The following PTPRN2 variants were observed in gnomAD, a reference collection of about 807,000 sequenced individuals.
PTPRN2 encodes the protein protein tyrosine phosphatase receptor type N2.
In PTPRN2, 74 loss-of-function variants were observed where a neutral mutation model predicts 118.8. The ratio of observed to expected loss-of-function variants is 0.62; its 90% CI spans 0.52 to 0.76. PTPRN2 has a LOEUF of 0.76. Among genes scored for constraint, PTPRN2 ranks in the 30% least tolerant of loss-of-function variants. PTPRN2 has a pLI of 0.00. For synonymous variants in PTPRN2, 641 were observed against 608.0 expected, an observed-to-expected ratio of 1.05 and a Z score of -0.80; for missense variants, 1,481 against 1,394.4, an observed-to-expected ratio of 1.06 and a Z score of -0.99.
chr7:157,715,409 T>C (rs1048606850), intron 12 of PTPRN2, among the ~76,000 whole-genome samples: 8 of 152,102 alleles, frequency 5.3e-5, no homozygotes, highest in Admixed American at 5.2e-4. Flanking sequence ...GGCAAAGTGA[T>C]AGGGGATGAA....
At chr7:158,207,257 C>T (rs1301412511) in intron 3 of PTPRN2, among the ~76,000 whole-genome samples, 4 of 143,614 alleles carry the variant, frequency 2.8e-5, no homozygotes, top group Non-Finnish European at 3.0e-5. Context: ...TGAATAATGC[C>T]GCAATAAACA....
Position 158,102,922 on chromosome 7 carries a change from C to A in PTPRN2, c.1643+7907G>T, listed in dbSNP as rs60403791. On this transcript the variant is annotated intron_variant, in intron 10 of 22. Transcript: ENST00000389418. The stretch of plus-strand genomic sequence containing the variant: ...GGGAGGACACACCCCCAGGACAGTA[C>A]CTCATGCTCCTCAGCGGCATCAGAG... 8.9e-3 allele frequency among the ~76,000 whole-genome samples: 1,348 copies of A among 152,282 alleles called. 15 individuals are homozygous for A. The highest frequency in any genetic ancestry group is 0.03 in the African/African-American group (1,251 of 41,544).
chr7:158,170,708 T>TC lies in PTPRN2; in HGVS notation c.550-3418_550-3417insG, dbSNP rs1348296737. Among the ~76,000 whole-genome samples, 8 of 151,636 alleles carry TC rather than the reference T, an allele frequency of 5.3e-5. No homozygotes were observed. In the South Asian group the frequency reaches 6.3e-4, roughly 12 times the overall value. On this transcript the variant is annotated intron_variant, in intron 5 of 22. Coordinates refer to ENST00000389418, the MANE Select transcript of PTPRN2 (RefSeq NM_002847.5). The stretch of plus-strand genomic sequence containing the variant: ...TCCCATAACCAAGAGGGCCTGAGAG[T>TC]TGGGAACATGGGCAGTAAAGAAAAG...
chr7:157,852,662 A>T (rs1416733887), intron 12 of PTPRN2, among the ~76,000 whole-genome samples: 1 of 152,064 alleles, frequency 6.6e-6, no homozygotes, highest in East Asian at 1.9e-4. Flanking sequence ...CGAGGTCAAG[A>T]TGCTGAGACC....
At chr7:158,498,588 G>C (rs769662919) in intron 1 of PTPRN2, among the ~76,000 whole-genome samples, 36 of 131,348 alleles carry the variant, frequency 2.7e-4, no homozygotes, top group Non-Finnish European at 5.0e-4. Flanking sequence ...TTTTGTCCTC[G>C]ATTTCCTGAA....
At chr7:158,400,790 G>A (rs540712502) in intron 2 of PTPRN2, among the ~76,000 whole-genome samples, 3 of 152,182 alleles carry the variant, frequency 2.0e-5, no homozygotes, top group South Asian at 2.1e-4. Context: ...CTACACAAAC[G>A]GAGGCAGCCC....
rs1305060155 is a variant in PTPRN2, at chr7:158,003,286, C to T, written c.1723+78012G>A. Among the ~76,000 whole-genome samples the T allele has an allele frequency of 2.6e-5, 4 of 151,380 alleles. No individual in the cohort carries two copies. Among genetic ancestry groups the T allele is most frequent in the South Asian group, 2.1e-4 (1 of 4,730 alleles). On this transcript the variant is annotated intron_variant, in intron 11 of 22. Coordinates refer to ENST00000389418, the MANE Select transcript of PTPRN2 (RefSeq NM_002847.5). The surrounding 1 kb of genome is among the most constrained non-coding windows in gnomAD (Gnocchi z 5.0). ...AAAATTAGCCGGGCGTGTTGGCGGG[C>T]GCCTGTAGTCCCAGCTACTTGGGAG...
intron 12 of PTPRN2, among the ~76,000 whole-genome samples, chr7:157,747,350 T>C (rs1476755259): frequency 7.1e-6 from 1 of 140,904 alleles, no homozygotes; most frequent in South Asian, 2.5e-4. Context: ...CTGTGGGGTG[T>C]CCGGGTGATT....
At chr7:157,942,628 G>A (rs560042005) in intron 11 of PTPRN2, among the ~76,000 whole-genome samples, 12 of 152,056 alleles carry the variant, frequency 7.9e-5, no homozygotes, top group Admixed American at 2.6e-4. Flanking sequence ...CAACTTCTCC[G>A]CGTTCACCTG....
At chr7:158,146,512 G>C (rs908776727) in intron 6 of PTPRN2, among the ~76,000 whole-genome samples, 2 of 151,952 alleles carry the variant, frequency 1.3e-5, no homozygotes, top group African/African-American at 4.8e-5. Flanking sequence ...ACGAGGTCAG[G>C]AGATCAAGAC....
At chr7:158,120,850 C>A (rs1817108589) in intron 9 of PTPRN2, among the ~76,000 whole-genome samples, 1 of 152,140 alleles carries the variant, frequency 6.6e-6, no homozygotes, top group Admixed American at 6.6e-5. Context: ...GGGAAGGGAG[C>A]CAGGCGGGGC....
intron 8 of PTPRN2, among the ~76,000 whole-genome samples, chr7:158,135,059 G>T (rs761997617): frequency 1.3e-5 from 2 of 152,112 alleles, no homozygotes; most frequent in African/African-American, 4.8e-5. Flanking sequence ...GCACATACCA[G>T]GCAACCCACG....
At chr7:158,306,980 C>A (rs939570625) in intron 3 of PTPRN2, among the ~76,000 whole-genome samples, 20 of 151,106 alleles carry the variant, frequency 1.3e-4, no homozygotes, top group African/African-American at 4.6e-4. Flanking sequence ...GATTCCCCTG[C>A]CTCAGCCTCC....
intron 12 of PTPRN2, among the ~76,000 whole-genome samples, chr7:157,793,755 A>G (rs1167860836): frequency 6.6e-6 from 1 of 152,180 alleles, no homozygotes; most frequent in African/African-American, 2.4e-5. Context: ...CCTGAATGGC[A>G]TAATTCGTGG....
chr7:158,078,848 G>T (rs897655523), intron 11 of PTPRN2, among the ~76,000 whole-genome samples: 34 of 151,904 alleles, frequency 2.2e-4, no homozygotes, highest in Admixed American at 1.4e-3. Flanking sequence ...GGTTTTTTTT[G>T]TTTCTTTGTT....
At chr7:158,390,158 G>A (rs1811815259) in intron 2 of PTPRN2, among the ~76,000 whole-genome samples, 2 of 152,046 alleles carry the variant, frequency 1.3e-5, no homozygotes, top group Non-Finnish European at 2.9e-5. Context: ...TGCTGAGTGT[G>A]CACAGAGGCA....
intron 6 of PTPRN2, among the ~76,000 whole-genome samples, chr7:158,149,656 G>C (rs753967595): frequency 1.3e-5 from 2 of 151,956 alleles, no homozygotes; most frequent in Non-Finnish European, 2.9e-5. Context: ...ATACAAAAAT[G>C]ACCCAGGCGT....
chr7:158,121,943 C>G (rs188839888), intron 9 of PTPRN2, among the ~76,000 whole-genome samples: 1 of 152,186 alleles, frequency 6.6e-6, no homozygotes, highest in Non-Finnish European at 1.5e-5. Context: ...ACAATGATCA[C>G]GCAGCCATTC....
rs574185025 is a variant in PTPRN2, at chr7:157,875,957, G to A, written c.1788+22716C>T. Among the ~76,000 whole-genome samples the A allele has an allele frequency of 1.2e-3, 189 of 152,122 alleles. 4 individuals carry two copies. Among genetic ancestry groups the A allele is most frequent in the South Asian group, 0.011 (55 of 4,816 alleles). The stretch of plus-strand genomic sequence containing the variant: ...GGGTCAGGAGGGGCCGAGCCCCCAG[G>A]CCAGGCATCCCCAGGGCAGGCACGG... On this transcript the variant is annotated intron_variant, in intron 12 of 22. Coordinates refer to ENST00000389418, the MANE Select transcript of PTPRN2 (RefSeq NM_002847.5).
Sources: gnomAD v4.1 joint callset for allele counts (sites outside exome capture counted in the v4.1 genomes callset) on GRCh38, gnomAD v4.1.1 for gene constraint, Gnocchi (gnomAD v3.1) non-coding constraint, MANE v1.5 for transcripts, NCBI Gene and HGNC (gene_info 2026-07-23, HGNC 2026-07-21) for gene names.